Variants in CFAP77 observed in about 807,000 individuals in gnomAD.
CFAP77 encodes cilia- and flagella-associated protein 77.
In CFAP77, 25 loss-of-function variants were observed where a neutral mutation model predicts 31.1. That is an observed-to-expected ratio of 0.80 (90% CI 0.59 to 1.12). CFAP77 has a LOEUF of 1.12. CFAP77 is among the 50% of genes most tolerant of loss of function. CFAP77 has a pLI of 0.00. For synonymous variants in CFAP77, 151 were observed against 159.9 expected (o/e 0.94, Z 0.42); for missense variants, 377 against 397.3 (o/e 0.95, Z 0.44).
At chr9:132,473,067 G>A (rs774932136) in intron 1 of CFAP77, among the ~76,000 whole-genome samples, 44 of 152,226 alleles carry the variant, frequency 2.9e-4, no homozygotes, top group Non-Finnish European at 5.4e-4. Flanking sequence ...AAGGGGAGCC[G>A]GGGTGTGCAG....
chr9:132,532,350 C>T (rs1472006193), intron 3 of CFAP77, among the ~76,000 whole-genome samples: 1 of 152,164 alleles, frequency 6.6e-6, no homozygotes, highest in African/African-American at 2.4e-5. Flanking sequence ...AGCTGAAACA[C>T]GTGGAGGAGC....
intron 1 of CFAP77, among the ~76,000 whole-genome samples, chr9:132,435,954 C>T (rs1432641854): frequency 6.6e-6 from 1 of 152,090 alleles, no homozygotes; most frequent in Admixed American, 6.6e-5. Context: ...TTTTTGGTCA[C>T]CAGAGTGCAT....
intron 1 of CFAP77, among the ~76,000 whole-genome samples, chr9:132,459,244 T>C (rs1304731107): frequency 1.3e-4 from 20 of 152,102 alleles, no homozygotes; most frequent in African/African-American, 4.8e-4. Context: ...GCTAATTTTT[T>C]GTATTTTTAG....
rs368335227 is a variant in CFAP77, at chr9:132,538,903, C to T, written c.630+1197C>T. On this transcript the variant is annotated intron_variant, in intron 4 of 5. Transcript: ENST00000393216. The stretch of plus-strand genomic sequence containing the variant: ...GAGATCGAGACCATCCTGGCTAACA[C>T]GGTGAAACCCCGTCTCTACTAAAAA... Among the ~76,000 whole-genome samples the T allele has an allele frequency of 1.4e-4, 22 of 151,900 alleles. No individual in the cohort carries two copies. The East Asian group carries it at 3.3e-3, about 23-fold the overall frequency.
intron 1 of CFAP77, among the ~76,000 whole-genome samples, chr9:132,426,479 C>T (rs537710277): frequency 6.9e-6 from 1 of 143,982 alleles, no homozygotes; most frequent in Admixed American, 6.8e-5. Context: ...ACATTCCCCA[C>T]CCCCCCTCCC....
At chr9:132,417,882 A>G (rs1850132722) in intron 1 of CFAP77, among the ~76,000 whole-genome samples, 1 of 7,724 alleles carries the variant, frequency 1.3e-4, no homozygotes, top group Admixed American at 3.1e-3. Flanking sequence ...AAGTGCTTAC[A>G]TTTTCCCCCT....
In CFAP77 at chr9:132,534,480, T is replaced by C. The variant is rs374535355; in HGVS notation, c.525-3121T>C. Among the ~76,000 whole-genome samples, 3 of 151,582 alleles carry C rather than the reference T, an allele frequency of 2.0e-5. No homozygotes were observed. In the South Asian group the frequency reaches 6.3e-4, roughly 32 times the overall value. ...ATGAAAAATTAGCCAGGCGTGGTGG[T>C]GGGTGCCTGTAGTCCCAGCTACTCG... is the stretch of plus-strand genomic sequence containing the variant. On this transcript the variant is annotated intron_variant, in intron 3 of 5. Transcript: ENST00000393216.
chr9:132,572,266 C>G, intron 5 of CFAP77, 122 bp from the exon 6 acceptor site: 1 of 1,266,612 alleles, frequency 7.9e-7, no homozygotes, highest in Non-Finnish European at 1.1e-6. Context: ...GTGACTTCCT[C>G]CCTCTTACAG....
Position 132,501,445 on chromosome 9 carries a change from C to T in CFAP77, c.524+1845C>T, listed in dbSNP as rs2118969252. Among the ~76,000 whole-genome samples the T allele has an allele frequency of 6.6e-6, 1 of 150,912 alleles. No homozygotes were observed. Among genetic ancestry groups the T allele is most frequent in the South Asian group, 2.1e-4 (1 of 4,780 alleles). Reference sequence around the variant, plus strand: ...ACAGTGTCTCTGTCTGTCCCCCAGGCTGGAGTGCAGTGGCGCAGTCTCAGC... The same window carrying T: ...ACAGTGTCTCTGTCTGTCCCCCAGGTTGGAGTGCAGTGGCGCAGTCTCAGC... On this transcript the variant is annotated intron_variant, in intron 3 of 5. Transcript: ENST00000393216. This position sits in a 1 kb window ranked among gnomAD's most constrained non-coding sequence, Gnocchi z 4.6.
chr9:132,473,503 C>T lies in CFAP77; in HGVS notation c.196-25192C>T, dbSNP rs554920315. ...CCAGGCAAGTTGTAGTTCTCAAGTC[C>T]GGACACGGATTCCCTTCCAGACTGT... On this transcript the variant is annotated intron_variant, in intron 1 of 5. Transcript: ENST00000393216. Among the ~76,000 whole-genome samples, 9 of 152,260 alleles carry T rather than the reference C, an allele frequency of 5.9e-5. No individual in the cohort carries two copies. In the South Asian group the frequency reaches 1.5e-3, roughly 25 times the overall value.
chr9:132,420,845 G>T (rs1488363322), intron 1 of CFAP77, among the ~76,000 whole-genome samples: 1 of 152,094 alleles, frequency 6.6e-6, no homozygotes, highest in Non-Finnish European at 1.5e-5. Context: ...AATCTAGCAG[G>T]CAGAAGCAGA....
In CFAP77 at chr9:132,498,563, C is replaced by T; in HGVS notation, c.196-132C>T. ...CCAGGGAGGGCTCTGCCACCCACTC[C>T]TGTGCCACCCTGAAGGCCACGGCAG... is the stretch of plus-strand genomic sequence containing the variant. On this transcript the variant is annotated intron_variant, in intron 1 of 5. Transcript: ENST00000393216. The surrounding 1 kb of genome is among the most constrained non-coding windows in gnomAD (Gnocchi z 4.2). 2 of 676,930 alleles carry T rather than the reference C, an allele frequency of 3.0e-6. No individual in the cohort carries two copies. The highest frequency in any genetic ancestry group is 5.2e-6 in the Non-Finnish European group (2 of 384,762). The allele number at this position is 676,930 out of a possible 1,614,324, so 41.9% of individuals were successfully genotyped here.
chr9:132,505,850 G>A (rs973668531), intron 3 of CFAP77, among the ~76,000 whole-genome samples: 1 of 152,098 alleles, frequency 6.6e-6, no homozygotes, highest in Non-Finnish European at 1.5e-5. Context: ...TGGAACCCCT[G>A]GTGTAGACGG....
intron 1 of CFAP77, among the ~76,000 whole-genome samples, chr9:132,458,327 C>G (rs962654159): frequency 7.8e-6 from 1 of 127,584 alleles, no homozygotes; most frequent in African/African-American, 3.1e-5. Context: ...GGCCTCTCCA[C>G]CTTTGTCTCC....
At chr9:132,513,783 G>A (rs1852086255) in intron 3 of CFAP77, among the ~76,000 whole-genome samples, 1 of 152,222 alleles carries the variant, frequency 6.6e-6, no homozygotes, top group Non-Finnish European at 1.5e-5. Flanking sequence ...GAGCAGAGCT[G>A]CTGGTTGGAA....
chr9:132,491,129 G>C (rs1204641788), intron 1 of CFAP77, among the ~76,000 whole-genome samples: 1 of 152,140 alleles, frequency 6.6e-6, no homozygotes, highest in East Asian at 1.9e-4. Flanking sequence ...ACTGAAATAA[G>C]TGGATTGGAA....
At chr9:132,516,047 G>A (rs1852141089) in intron 3 of CFAP77, among the ~76,000 whole-genome samples, 1 of 152,154 alleles carries the variant, frequency 6.6e-6, no homozygotes, top group Non-Finnish European at 1.5e-5. Flanking sequence ...TATAGGGAGT[G>A]GTGGGGACTG....
chr9:132,465,440 A>G (rs199678345), intron 1 of CFAP77, among the ~76,000 whole-genome samples: 3 of 152,206 alleles, frequency 2.0e-5, no homozygotes, highest in East Asian at 3.9e-4. Context: ...TGATACAGCC[A>G]GGAAAAGGCA....
chr9:132,520,434 C>T (rs997881948), intron 3 of CFAP77, among the ~76,000 whole-genome samples: 2 of 151,930 alleles, frequency 1.3e-5, no homozygotes, highest in African/African-American at 4.8e-5. Context: ...TTGCTTGAGG[C>T]CAGGTGTTCA....
Sources: gnomAD v4.1 joint callset for allele counts (sites outside exome capture counted in the v4.1 genomes callset) on GRCh38, gnomAD v4.1.1 for gene constraint, Gnocchi (gnomAD v3.1) non-coding constraint, MANE v1.5 for transcripts, NCBI Gene and HGNC (gene_info 2026-07-23, HGNC 2026-07-21) for gene names.